Variants in TANGO6 observed in about 807,000 individuals in gnomAD.
TANGO6 encodes the protein transport and golgi organization 6 homolog, also known as transport and Golgi organization protein 6 homolog.
TANGO6 carries 90 observed loss-of-function variants against 114.2 expected under a neutral mutation model. That is an observed-to-expected ratio of 0.79 (90% CI 0.66 to 0.94). The LOEUF (loss-of-function observed/expected upper bound fraction) is 0.94. Among genes scored for constraint, TANGO6 ranks in the 40% least tolerant of loss-of-function variants. The probability of loss-of-function intolerance (pLI) is 0.00; values close to 1 mark genes in which losing one functional copy is unlikely to be tolerated. For missense variants in TANGO6, 1,274 were observed against 1,315.3 expected (o/e 0.97, Z 0.49); for synonymous variants, 477 against 509.8 (o/e 0.94, Z 0.87).
chr16:68,974,039 C>A lies in TANGO6; in HGVS notation c.2713C>A (p.Leu905Met), dbSNP rs753877442. 20 of 1,607,948 alleles carry A rather than the reference C, an allele frequency of 1.2e-5. No individual in the cohort carries two copies. The South Asian group carries it at 2.1e-4, about 17-fold the overall frequency. The stretch of plus-strand genomic sequence containing the variant: ...GTTTTCAACCCCAGGGGTTGCCCTG[C>A]TGTCAGACGTCTATCCTGAGAAAAT... ...YLSAIQGVAL[L>M]SDVYPEKILP... is the part of the protein sequence containing the mutation. The change falls in exon 15 of 18, where the codon CTG becomes ATG. Residue 905 changes from leucine (L) to methionine (M), a missense_variant. By Grantham distance (15) the Leu-to-Met change is conservative. Around this residue, in one of 5 missense-constraint regions of TANGO6, gnomAD observed 238 missense variants for 252.9 expected, o/e 0.94. Coordinates refer to ENST00000261778, the MANE Select transcript of TANGO6 (RefSeq NM_024562.2).
chr16:68,965,676 C>T (rs567033970), intron 14 of TANGO6, among the ~76,000 whole-genome samples: 1 of 152,022 alleles, frequency 6.6e-6, no homozygotes, highest in Admixed American at 6.6e-5. Context: ...TGGCATGCAC[C>T]TGTAATCCCA....
At chr16:68,909,952 T>C (rs1307083297) in intron 11 of TANGO6, among the ~76,000 whole-genome samples, 5 of 152,214 alleles carry the variant, frequency 3.3e-5, no homozygotes, top group African/African-American at 9.6e-5. Flanking sequence ...TTTAAGATGT[T>C]TTAAAAAATG....
chr16:68,977,854 T>G (rs936393891), intron 15 of TANGO6, among the ~76,000 whole-genome samples: 3 of 151,656 alleles, frequency 2.0e-5, no homozygotes, highest in Non-Finnish European at 4.4e-5. Context: ...CCCGGCTAAT[T>G]TTTGTATTTT....
chr16:68,892,762 G>A (rs764290406), intron 7 of TANGO6, among the ~76,000 whole-genome samples: 14 of 152,020 alleles, frequency 9.2e-5, no homozygotes, highest in African/African-American at 1.4e-4. Context: ...CAATCTGCCC[G>A]CCTTGGCCTC....
chr16:68,995,042 C>T (rs1043699943), intron 15 of TANGO6, among the ~76,000 whole-genome samples: 3 of 152,170 alleles, frequency 2.0e-5, no homozygotes, highest in Non-Finnish European at 4.4e-5. Context: ...GTTACTTACA[C>T]CAACAATAGT....
intron 4 of TANGO6, among the ~76,000 whole-genome samples, chr16:68,872,602 G>A (rs929055482): frequency 2.0e-5 from 3 of 150,054 alleles, no homozygotes; most frequent in African/African-American, 7.3e-5. Flanking sequence ...GCCCACAGCC[G>A]GTTCTGTTGA....
chr16:68,853,955 AT>A (rs1961944249), intron 1 of TANGO6, among the ~76,000 whole-genome samples: 1 of 152,110 alleles, frequency 6.6e-6, no homozygotes, highest in Non-Finnish European at 1.5e-5. Context: ...ATAATTGTCC[AT>A]TTTTTTAAAA....
intron 14 of TANGO6, among the ~76,000 whole-genome samples, chr16:68,949,336 C>T (rs922264584): frequency 1.3e-5 from 2 of 151,494 alleles, no homozygotes; most frequent in East Asian, 2.0e-4. Flanking sequence ...AATAGCTTAC[C>T]TTGGCCAGGC....
intron 13 of TANGO6, among the ~76,000 whole-genome samples, chr16:68,928,946 T>G (rs1963205700): frequency 1.3e-5 from 2 of 152,076 alleles, no homozygotes; most frequent in Non-Finnish European, 2.9e-5. Context: ...TGAGACAGGG[T>G]CTCGCTCCGT....
At chr16:68,988,852 C>A (rs1339407272) in intron 15 of TANGO6, among the ~76,000 whole-genome samples, 1 of 151,988 alleles carries the variant, frequency 6.6e-6, no homozygotes, top group Admixed American at 6.6e-5. Context: ...GTGTGTGCCA[C>A]CACGTACAGC....
At chr16:69,002,066 C>A (rs766827220) in intron 15 of TANGO6, among the ~76,000 whole-genome samples, 1 of 152,110 alleles carries the variant, frequency 6.6e-6, no homozygotes, top group Non-Finnish European at 1.5e-5. Context: ...TGAGAGGGAC[C>A]TGTCTACTTA....
chr16:68,923,221 G>T (rs1963121560), intron 12 of TANGO6, among the ~76,000 whole-genome samples: 1 of 151,568 alleles, frequency 6.6e-6, no homozygotes, highest in Non-Finnish European at 1.5e-5. Context: ...GCCTCCCAAA[G>T]CGCCGGGATT....
chr16:69,063,111 C>G (rs1960149157), intron 17 of TANGO6, among the ~76,000 whole-genome samples: 1 of 151,374 alleles, frequency 6.6e-6, no homozygotes, highest in Non-Finnish European at 1.5e-5. Flanking sequence ...GCCTGTAGTC[C>G]CAGCTACTTG....
In TANGO6 at chr16:68,902,515, C is replaced by A; in HGVS notation, c.1667+11C>A. 1 of 1,599,650 alleles carries A rather than the reference C, an allele frequency of 6.3e-7. No individual in the cohort carries two copies. Among genetic ancestry groups the A allele is most frequent in the South Asian group, 1.1e-5 (1 of 88,578 alleles). On this transcript the variant is annotated intron_variant, in intron 9 of 17. Transcript: ENST00000261778. ...CAAAGAGGCCATTAGGTGAGTCCAC[C>A]CATCCGTTACTGTTCTCTTCAGATT...
chr16:69,071,441 G>T (rs1960296127), intron 17 of TANGO6, among the ~76,000 whole-genome samples: 1 of 152,050 alleles, frequency 6.6e-6, no homozygotes, highest in South Asian at 2.1e-4. Context: ...TCTTATTTTT[G>T]ACCATTCATG....
chr16:68,952,281 A>C (rs183624384), intron 14 of TANGO6, among the ~76,000 whole-genome samples: 4 of 152,242 alleles, frequency 2.6e-5, no homozygotes, highest in Admixed American at 2.6e-4. Flanking sequence ...TAAAACAGCA[A>C]GTCCCTCTTC....
At chr16:68,878,304 G>A in intron 6 of TANGO6, 24 bp downstream of exon 6, 3 of 1,570,806 alleles carry the variant, frequency 1.9e-6, no homozygotes, top group Non-Finnish European at 2.6e-6. Context: ...TGTGGTGGCT[G>A]TGTGTGCCTC....
At chr16:69,074,578 A>T (rs1054226142) in intron 17 of TANGO6, among the ~76,000 whole-genome samples, 1 of 152,132 alleles carries the variant, frequency 6.6e-6, no homozygotes, top group African/African-American at 2.4e-5. Context: ...GTATCAAATT[A>T]TCATCTTTAA....
intron 17 of TANGO6, among the ~76,000 whole-genome samples, chr16:69,046,109 C>A (rs1217943552): frequency 1.3e-5 from 2 of 150,156 alleles, no homozygotes; most frequent in East Asian, 3.9e-4. Context: ...AACCAATAGA[C>A]CACTCATTGG....
Sources: allele counts gnomAD v4.1 joint callset (sites outside exome capture counted in the v4.1 genomes callset), GRCh38; gene constraint gnomAD v4.1.1; regional missense constraint gnomAD v4.1.1; transcripts MANE v1.5; gene names NCBI Gene and HGNC (gene_info 2026-07-23, HGNC 2026-07-21).